Variants in MTSS1 observed in about 807,000 individuals in gnomAD.
MTSS1 encodes the protein MTSS I-BAR domain containing 1, also known as protein MTSS 1.
A neutral mutation model predicts 79.0 loss-of-function variants in MTSS1; 18 were observed. That is an observed-to-expected ratio of 0.23 (90% confidence interval 0.16 to 0.34). The LOEUF (loss-of-function observed/expected upper bound fraction) is 0.34. Among genes scored for constraint, MTSS1 ranks in the 10% least tolerant of loss-of-function variants. The probability of loss-of-function intolerance (pLI) is 1.00; values close to 1 mark genes in which losing one functional copy is unlikely to be tolerated. For missense variants in MTSS1, 815 were observed against 986.2 expected (o/e 0.83, Z 2.33); for synonymous variants, 341 against 368.6 (o/e 0.93, Z 0.86).
At position 124,552,005 on chromosome 8, in the gene MTSS1, T is replaced by C. The variant is rs889892593; in HGVS notation, c.*987A>G. The C allele has an allele frequency of 6.5e-6, 1 of 152,684 alleles. No homozygotes were observed. The highest frequency in any genetic ancestry group is 2.4e-5 in the African/African-American group (1 of 41,462). 9.5% of individuals were successfully genotyped at this position (152,684 alleles called of 1,614,324 possible). On this transcript the variant is annotated 3_prime_UTR_variant, in exon 14 of 14. Transcript: ENST00000518547. ...ACGCACCCAGCCTGCTGGGCACAGTTAAGTAAAAGGCATTTACTATAATCT... is the reference window on the plus strand; with the variant it reads ...ACGCACCCAGCCTGCTGGGCACAGTCAAGTAAAAGGCATTTACTATAATCT...
At chr8:124,618,012 G>T (rs1226334167) in intron 3 of MTSS1, among the ~76,000 whole-genome samples, 1 of 152,110 alleles carries the variant, frequency 6.6e-6, no homozygotes, top group Non-Finnish European at 1.5e-5. Context: ...TCTGTCTTGG[G>T]TAAAGTATCA....
At chr8:124,668,024 G>C (rs2134553606) in intron 3 of MTSS1, among the ~76,000 whole-genome samples, 1 of 152,154 alleles carries the variant, frequency 6.6e-6, no homozygotes, top group African/African-American at 2.4e-5. Flanking sequence ...GAGGGTCAAG[G>C]CTGCAGTGAG....
At chr8:124,567,584 T>C in intron 7 of MTSS1, 1 of 1,374,652 alleles carries the variant, frequency 7.3e-7, no homozygotes, top group Non-Finnish European at 9.4e-7. Flanking sequence ...TCCAGATCTT[T>C]GTGACAGTGC....
chr8:124,581,086 A>C (rs1586970469), intron 6 of MTSS1, among the ~76,000 whole-genome samples: 1 of 152,218 alleles, frequency 6.6e-6, no homozygotes, highest in East Asian at 1.9e-4. Flanking sequence ...CCTCTAGTGG[A>C]AAGTGAGAGA....
intron 6 of MTSS1, among the ~76,000 whole-genome samples, chr8:124,572,234 G>A (rs10090973): frequency 0.32 from 48,496 of 151,990 alleles, 8,398 homozygotes; most frequent in African/African-American, 0.44. Context: ...CTCTCAAATT[G>A]TAGCATTCTA....
intron 1 of MTSS1, among the ~76,000 whole-genome samples, chr8:124,712,773 A>G (rs1831359229): frequency 6.6e-6 from 1 of 152,084 alleles, no homozygotes; most frequent in Non-Finnish European, 1.5e-5. Context: ...CACACCAGCA[A>G]TAAATATGCC....
chr8:124,580,202 C>T (rs1134893), intron 6 of MTSS1: 67,891 of 230,580 alleles, frequency 0.29, 11,561 homozygotes, highest in African/African-American at 0.5. Flanking sequence ...TACATACATA[C>T]ATACGCAGGT....
At chr8:124,595,151 C>T (rs1832543683) in intron 3 of MTSS1, among the ~76,000 whole-genome samples, 1 of 152,138 alleles carries the variant, frequency 6.6e-6, no homozygotes. Flanking sequence ...CTTGTTTAAT[C>T]CCCACATACT....
At chr8:124,645,795 G>A (rs138524052) in intron 3 of MTSS1, among the ~76,000 whole-genome samples, 59 of 152,228 alleles carry the variant, frequency 3.9e-4, no homozygotes, top group African/African-American at 1.4e-3. Flanking sequence ...GTTAATGAAA[G>A]TATTTGCCCA....
intron 3 of MTSS1, among the ~76,000 whole-genome samples, chr8:124,656,358 A>G (rs10956192): frequency 0.32 from 48,148 of 152,088 alleles, 10,251 homozygotes; most frequent in African/African-American, 0.61. Context: ...AAATGAGCCT[A>G]AATCCATTCA....
chr8:124,553,653 T>G lies in MTSS1; in HGVS notation c.1607A>C (p.Glu536Ala). The G allele has an allele frequency of 6.2e-7, 1 of 1,613,888 alleles. No individual in the cohort carries two copies. ...YDYFSVSGDQEADQQEFDKSS... is the reference protein window; with the variant it reads ...YDYFSVSGDQAADQQEFDKSS... ...CTTGTCGAACTCCTGCTGATCTGCC[T>G]CCTGGTCACCACTTACAGAGAAATA... is the stretch of plus-strand genomic sequence containing the variant. The change falls in exon 14 of 14, where the codon GAG (glutamate) becomes GCG (alanine). Residue 536 changes from glutamate (E) to alanine (A), a missense_variant. Physicochemically the swap from Glu to Ala is moderately radical, Grantham distance 107 (BLOSUM62 -1). Transcript: ENST00000518547. This position sits in a 1 kb window ranked among gnomAD's most constrained non-coding sequence, Gnocchi z 6.0.
intron 3 of MTSS1, among the ~76,000 whole-genome samples, chr8:124,681,203 T>G (rs1313348152): frequency 2.1e-5 from 3 of 143,356 alleles, no homozygotes; most frequent in South Asian, 4.2e-4. Flanking sequence ...AGCTGTGACA[T>G]TTAAAAAAAA....
At chr8:124,619,096 G>C (rs1394846910) in intron 3 of MTSS1, among the ~76,000 whole-genome samples, 1 of 152,242 alleles carries the variant, frequency 6.6e-6, no homozygotes, top group Non-Finnish European at 1.5e-5. Context: ...CAAAAAGGCA[G>C]AACTGTAAGT....
chr8:124,592,993 GT>G (rs1376906541), intron 3 of MTSS1, among the ~76,000 whole-genome samples: 1 of 152,218 alleles, frequency 6.6e-6, no homozygotes, highest in African/African-American at 2.4e-5. Flanking sequence ...AGGGCCAAGT[GT>G]TGCCCGAATC....
chr8:124,727,879 C>T lies in MTSS1; in HGVS notation c.72+5G>A. ...GGCGCCGCAGCCGCACCCCCGGCGT[C>T]CTACCTTCATGTCGCTGATGATGGT... On this transcript the variant is annotated splice_donor_5th_base_variant and intron_variant, in intron 1 of 13. Coordinates refer to ENST00000518547, the MANE Select transcript of MTSS1 (RefSeq NM_014751.6). This position sits in a 1 kb window ranked among gnomAD's most constrained non-coding sequence, Gnocchi z 4.7. 6.3e-7 allele frequency: 1 copy of T among 1,592,722 alleles called. No individual in the cohort carries two copies. Among genetic ancestry groups the T allele is most frequent in the Non-Finnish European group, 8.5e-7 (1 of 1,172,590 alleles).
intron 3 of MTSS1, among the ~76,000 whole-genome samples, chr8:124,687,556 G>C (rs143171242): frequency 6.6e-6 from 1 of 152,220 alleles, no homozygotes; most frequent in East Asian, 1.9e-4. Context: ...GAGAGACAGG[G>C]GTCAGGAAAC....
At chr8:124,669,030 T>C (rs1448753868) in intron 3 of MTSS1, among the ~76,000 whole-genome samples, 1 of 152,206 alleles carries the variant, frequency 6.6e-6, no homozygotes, top group East Asian at 1.9e-4. Flanking sequence ...ACAAAGCAGG[T>C]TGATTGCCAC....
chr8:124,656,138 T>C lies in MTSS1; in HGVS notation c.208+43388A>G, dbSNP rs369634143. 3.2e-4 allele frequency among the ~76,000 whole-genome samples: 48 copies of C among 152,246 alleles called. 1 individual carries two copies. Among genetic ancestry groups the C allele is most frequent in the Middle Eastern group, 3.2e-3 (1 of 316 alleles). Reference sequence around the variant, plus strand: ...TTCCTATCTCCTTTATCTTAAGAGATAGATCCCCGTTTTTCAGGAGAAGAA... The same window carrying C: ...TTCCTATCTCCTTTATCTTAAGAGACAGATCCCCGTTTTTCAGGAGAAGAA... On this transcript the variant is annotated intron_variant, in intron 3 of 13. Coordinates refer to ENST00000518547, the MANE Select transcript of MTSS1 (RefSeq NM_014751.6).
At chr8:124,605,192 T>C (rs1338005700) in intron 3 of MTSS1, among the ~76,000 whole-genome samples, 1 of 152,194 alleles carries the variant, frequency 6.6e-6, no homozygotes, top group Non-Finnish European at 1.5e-5. Flanking sequence ...ATTGCCATGG[T>C]CTGCCTCTGC....
Sources: allele counts gnomAD v4.1 joint callset (sites outside exome capture counted in the v4.1 genomes callset), GRCh38; gene constraint gnomAD v4.1.1; non-coding constraint Gnocchi (gnomAD v3.1); transcripts MANE v1.5; gene names NCBI Gene and HGNC (gene_info 2026-07-23, HGNC 2026-07-21).